The following EPHA6 variants were observed in gnomAD, a reference collection of about 807,000 sequenced individuals.
EPHA6 encodes ephrin type-A receptor 6.
Under a neutral mutation model 112.0 loss-of-function variants are expected in EPHA6, and 50 were observed. The observed-to-expected ratio is 0.45, with a 90% CI of 0.36 to 0.56. The LOEUF is 0.56. Ranked by LOEUF, EPHA6 falls within the 20% of genes least tolerant of loss-of-function variation. The pLI is 0.00. For synonymous variants in EPHA6, 529 were observed against 490.7 expected (o/e 1.08, Z -1.03); for missense variants, 1,280 against 1,417.4 (o/e 0.90, Z 1.56).
At chr3:97,168,020 G>A (rs1015066453) in intron 3 of EPHA6, among the ~76,000 whole-genome samples, 2 of 151,700 alleles carry the variant, frequency 1.3e-5, no homozygotes, top group Non-Finnish European at 2.9e-5. Context: ...ATTTCATTTT[G>A]TATGTATTTA....
At chr3:97,111,955 T>C (rs75328005) in intron 3 of EPHA6, among the ~76,000 whole-genome samples, 7,193 of 152,202 alleles carry the variant, frequency 0.047, 515 homozygotes, top group African/African-American at 0.16. Context: ...AGAAATATTA[T>C]TTATCTCTTT....
At chr3:97,160,345 C>T (rs1400144288) in intron 3 of EPHA6, among the ~76,000 whole-genome samples, 4 of 152,040 alleles carry the variant, frequency 2.6e-5, no homozygotes, top group South Asian at 2.1e-4. Flanking sequence ...AGAGTGATCT[C>T]GGGTCACTAC....
chr3:97,603,749 T>C (rs966621055), intron 12 of EPHA6, among the ~76,000 whole-genome samples: 1 of 151,928 alleles, frequency 6.6e-6, no homozygotes, highest in African/African-American at 2.4e-5. Flanking sequence ...TTATTTAAAA[T>C]AGGAAAATAC....
chr3:96,978,706 A>G (rs1399457499), intron 2 of EPHA6, among the ~76,000 whole-genome samples: 1 of 152,146 alleles, frequency 6.6e-6, no homozygotes, highest in Non-Finnish European at 1.5e-5. Flanking sequence ...TGTAAAAAAA[A>G]ATGCATCATT....
chr3:96,934,983 A>G (rs996025103), intron 2 of EPHA6, among the ~76,000 whole-genome samples: 2 of 151,852 alleles, frequency 1.3e-5, no homozygotes, highest in Non-Finnish European at 3.0e-5. Context: ...TATTTTTTAT[A>G]TTAACTTTCA....
intron 3 of EPHA6, among the ~76,000 whole-genome samples, chr3:97,090,055 TG>T (rs2047014759): frequency 6.6e-6 from 1 of 152,080 alleles, no homozygotes; most frequent in African/African-American, 2.4e-5. Context: ...TTATTATAAT[TG>T]CTATTCATAT....
intron 5 of EPHA6, 30 bp downstream of exon 5, chr3:97,244,317 G>A: frequency 6.3e-7 from 1 of 1,590,826 alleles, no homozygotes; most frequent in African/African-American, 1.3e-5. Context: ...TCTCAAAACA[G>A]ACCCATAATT....
At chr3:97,009,954 T>G (rs1359117272) in intron 3 of EPHA6, 3 of 558,832 alleles carry the variant, frequency 5.4e-6, no homozygotes, top group South Asian at 4.5e-5. Flanking sequence ...GTTACCTTGG[T>G]TGCCGTTGAA....
chr3:97,559,604 G>A (rs1422729545), intron 11 of EPHA6: 5 of 455,000 alleles, frequency 1.1e-5, no homozygotes, highest in African/African-American at 2.0e-5. Flanking sequence ...CACTGGAAAT[G>A]ATGACATATA....
intron 14 of EPHA6, among the ~76,000 whole-genome samples, chr3:97,705,503 T>G (rs555419942): frequency 6.6e-6 from 1 of 152,188 alleles, no homozygotes; most frequent in Admixed American, 6.5e-5. Context: ...CCAATATTAA[T>G]TGAGCACTTA....
At chr3:97,286,012 G>T (rs1414217140) in intron 5 of EPHA6, among the ~76,000 whole-genome samples, 2 of 152,064 alleles carry the variant, frequency 1.3e-5, no homozygotes, top group African/African-American at 4.8e-5. Flanking sequence ...TTATATACCT[G>T]TTAGCCATTT....
chr3:96,934,095 T>G (rs373374940), intron 2 of EPHA6, among the ~76,000 whole-genome samples: 1 of 152,146 alleles, frequency 6.6e-6, no homozygotes, highest in South Asian at 2.1e-4. Flanking sequence ...TAGCTTCATT[T>G]TAAAAATATG....
intron 3 of EPHA6, among the ~76,000 whole-genome samples, chr3:97,159,044 T>G (rs575054317): frequency 2.6e-5 from 4 of 152,154 alleles, no homozygotes; most frequent in Non-Finnish European, 4.4e-5. Flanking sequence ...TAGTTTCCTT[T>G]CACACATGGT....
chr3:97,409,529 A>T (rs527545420), intron 6 of EPHA6, among the ~76,000 whole-genome samples: 80 of 152,204 alleles, frequency 5.3e-4, no homozygotes, highest in African/African-American at 1.8e-3. Context: ...ATCACAGCAG[A>T]TGTCTCAGAA....
chr3:97,074,616 G>C (rs1031944686), intron 3 of EPHA6, among the ~76,000 whole-genome samples: 1 of 151,662 alleles, frequency 6.6e-6, no homozygotes, highest in Non-Finnish European at 1.5e-5. Context: ...CAATAGAAAC[G>C]TTTTAATTTT....
At chr3:96,952,124 A>G (rs1391260800) in intron 2 of EPHA6, among the ~76,000 whole-genome samples, 3 of 152,160 alleles carry the variant, frequency 2.0e-5, no homozygotes, top group Non-Finnish European at 2.9e-5. Flanking sequence ...GGAAGAGACC[A>G]TCATCATTCA....
At chr3:96,996,258 A>G (rs902659190) in intron 3 of EPHA6, among the ~76,000 whole-genome samples, 1 of 151,946 alleles carries the variant, frequency 6.6e-6, no homozygotes, top group African/African-American at 2.4e-5. Context: ...TATATCCACA[A>G]CATCTGCAGT....
intron 5 of EPHA6, among the ~76,000 whole-genome samples, chr3:97,357,350 G>T (rs1405820402): frequency 1.3e-5 from 2 of 152,076 alleles, no homozygotes; most frequent in Admixed American, 1.3e-4. Flanking sequence ...GGGATTACAG[G>T]CATGTGCCAC....
At chr3:97,221,308 CAAAAAAAAAAAAAAA>C (rs57025573) in intron 3 of EPHA6, among the ~76,000 whole-genome samples, 1 of 16,392 alleles carries the variant, frequency 6.1e-5, no homozygotes. Flanking sequence ...GACTCTGTCT[CAAAAAAAAAAAAAAA>C]AAAAAAAAAA....
Sources: allele counts gnomAD v4.1 joint callset (sites outside exome capture counted in the v4.1 genomes callset), GRCh38; gene constraint gnomAD v4.1.1; transcripts MANE v1.5; gene names NCBI Gene and HGNC (gene_info 2026-07-23, HGNC 2026-07-21).